CFAP91: variants seen among roughly 807,000 people sequenced by gnomAD.
CFAP91 encodes the protein cilia- and flagella-associated protein 91.
A neutral mutation model predicts 95.9 loss-of-function variants in CFAP91; 85 were observed. The observed-to-expected ratio is 0.89, with a 90% confidence interval of 0.74 to 1.06. The LOEUF is 1.06. Among genes scored for constraint, CFAP91 ranks in the 50% least tolerant of loss-of-function variants. The probability of loss-of-function intolerance (pLI) is 0.00; values close to 1 mark genes in which losing one functional copy is unlikely to be tolerated. For missense variants in CFAP91, 962 were observed against 943.4 expected, an observed-to-expected ratio of 1.02 and a Z score of -0.26; for synonymous variants, 335 against 327.5, an observed-to-expected ratio of 1.02 and a Z score of -0.25.
chr3:119,713,072 TTTTATTTTATTTTTATTTA>T (rs2053503485), intron 5 of CFAP91: 2 of 151,602 alleles, frequency 1.3e-5, no homozygotes, highest in Admixed American at 1.3e-4. Flanking sequence ...TTTAAAAAAT[TTTTATTTTATTTTTATTTA>T]TTTATTTATT....
chr3:119,751,154 G>A (rs1450819531), intron 17 of CFAP91, 56 bp downstream of exon 17: 1 of 1,533,618 alleles, frequency 6.5e-7, no homozygotes, highest in Non-Finnish European at 8.8e-7. Flanking sequence ...AAGCGGCATT[G>A]TTCAGCTTTG....
chr3:119,753,998 T>A (rs2054375775), intron 17 of CFAP91, among the ~76,000 whole-genome samples: 1 of 152,252 alleles, frequency 6.6e-6, no homozygotes, highest in Non-Finnish European at 1.5e-5. Context: ...CCCAGCTGAC[T>A]AAGCCAGATT....
intron 7 of CFAP91, among the ~76,000 whole-genome samples, chr3:119,726,978 G>C (rs1437339514): frequency 1.3e-5 from 2 of 152,146 alleles, no homozygotes. Context: ...TGAGGTACTT[G>C]TGGTTGGGTT....
intron 5 of CFAP91, among the ~76,000 whole-genome samples, chr3:119,714,365 C>CAAAA (rs1265042198): frequency 1.2e-4 from 15 of 128,518 alleles, no homozygotes; most frequent in African/African-American, 2.6e-4. Flanking sequence ...GACTCCGTCT[C>CAAAA]AAAAAAAAAA....
chr3:119,754,492 T>C lies in CFAP91; in HGVS notation c.*1+3394T>C, dbSNP rs563658838. ...TCCAATGTGAATGCTAAGGGTGGGT[T>C]AACAGACATTTGATAAGTGTATGGG... On this transcript the variant is annotated intron_variant, in intron 17 of 17. Coordinates refer to ENST00000273390, the MANE Select transcript of CFAP91 (RefSeq NM_033364.4). 1.8e-4 allele frequency among the ~76,000 whole-genome samples: 27 copies of C among 152,350 alleles called. No individual in the cohort carries two copies. In the South Asian group the frequency reaches 5.6e-3, roughly 32 times the overall value.
chr3:119,706,437 G>A (rs941554618), intron 1 of CFAP91: 4 of 178,920 alleles, frequency 2.2e-5, no homozygotes, highest in Admixed American at 5.9e-5. Context: ...GGCATAGTGC[G>A]TATATACAAG....
chr3:119,707,730 G>GATATATATATATATATAT (rs1425003167), intron 3 of CFAP91, among the ~76,000 whole-genome samples, 169 bp downstream of exon 3: 3 of 116,750 alleles, frequency 2.6e-5, no homozygotes, highest in Non-Finnish European at 5.4e-5. Context: ...TTGTATATAT[G>GATATATATATATATATAT]AGATATATAT....
chr3:119,713,972 A>G (rs1229417309), intron 5 of CFAP91, among the ~76,000 whole-genome samples: 1 of 152,002 alleles, frequency 6.6e-6, no homozygotes. Flanking sequence ...TAAGTTTCTA[A>G]TTTTTCACTC....
intron 6 of CFAP91, among the ~76,000 whole-genome samples, chr3:119,723,183 G>A (rs1285289338): frequency 6.6e-6 from 1 of 152,214 alleles, no homozygotes; most frequent in African/African-American, 2.4e-5. Flanking sequence ...ACTGCAAAAA[G>A]CAGCTGAGAT....
chr3:119,703,368 G>A, intron 1 of CFAP91, 146 bp downstream of exon 1: 1 of 1,306,096 alleles, frequency 7.7e-7, no homozygotes, highest in South Asian at 1.4e-5. Context: ...TGGTCGGGTG[G>A]GGGCAGCTCC....
intron 10 of CFAP91, 70 bp downstream of exon 10, chr3:119,733,576 A>C (rs1458863972): frequency 6.6e-7 from 1 of 1,515,352 alleles, no homozygotes; most frequent in African/African-American, 1.4e-5. Flanking sequence ...CACTCCAAAA[A>C]TTGCAGCAAT....
intron 13 of CFAP91, among the ~76,000 whole-genome samples, chr3:119,743,159 G>A (rs527564823): frequency 6.8e-6 from 1 of 147,098 alleles, no homozygotes; most frequent in Non-Finnish European, 1.5e-5. Context: ...TTTCTGAGAT[G>A]GAGTCTCACT....
Position 119,716,468 on chromosome 3 carries a change from A to G in CFAP91, c.682+725A>G, listed in dbSNP as rs1278401812. Among the ~76,000 whole-genome samples the G allele has an allele frequency of 2.0e-5, 3 of 152,212 alleles. No homozygotes were observed. In the East Asian group the frequency reaches 5.8e-4, roughly 29 times the overall value. Reference sequence around the variant, plus strand: ...TTTAAATGAGATTACTTTCCCCCGCATTGTAACAGATAGCTGTGATCAAGT... The same window carrying G: ...TTTAAATGAGATTACTTTCCCCCGCGTTGTAACAGATAGCTGTGATCAAGT... On this transcript the variant is annotated intron_variant, in intron 6 of 17. Transcript: ENST00000273390.
intron 16 of CFAP91, chr3:119,750,402 A>G (rs72965013): frequency 0.012 from 1,937 of 158,668 alleles, 40 homozygotes; most frequent in African/African-American, 0.044. Context: ...CTGATAGTGA[A>G]TATTCTTAGA....
Position 119,726,340 on chromosome 3 carries a change from G to C in CFAP91, c.852G>C (p.Glu284Asp). The C allele has an allele frequency of 8.1e-6, 13 of 1,610,666 alleles. No individual in the cohort carries two copies. The highest frequency in any genetic ancestry group is 7.6e-6 in the Non-Finnish European group (9 of 1,178,656). Residue 284 changes from glutamate to aspartate, a missense_variant, in exon 7 of 18, where the codon GAG (glutamate) becomes GAC (aspartate). Coordinates refer to ENST00000273390, the MANE Select transcript of CFAP91 (RefSeq NM_033364.4). ...ERKEWAFREQEIEKLQEIRLE... is the reference protein window; with the variant it reads ...ERKEWAFREQDIEKLQEIRLE... ...AGGAGTGGGCCTTCAGAGAGCAGGA[G>C]ATTGAAAAGTAGGTTCTCTATCACC... is the stretch of plus-strand genomic sequence containing the variant.
rs1170325445 is a variant in CFAP91 at position 119,726,278 on chromosome 3, G to C, written c.790G>C (p.Glu264Gln). 6.2e-7 allele frequency: 1 copy of C among 1,613,970 alleles called. No homozygotes were observed. The highest frequency in any genetic ancestry group is 1.1e-5 in the South Asian group (1 of 91,036). The change falls in exon 7 of 18, where the codon GAG becomes CAG. Residue 264 changes from glutamate (E) to glutamine (Q), a missense_variant. Coordinates refer to ENST00000273390, the MANE Select transcript of CFAP91 (RefSeq NM_033364.4). ...LPALSDTSQF[E>Q]KRRKMMNEME... ...CGCTCTGAGTGACACCTCCCAGTTT[G>C]AGAAGAGGAGGAAAATGATGAATGA...
chr3:119,724,503 A>G (rs1018361735), intron 6 of CFAP91, among the ~76,000 whole-genome samples: 1 of 152,158 alleles, frequency 6.6e-6, no homozygotes, highest in Admixed American at 6.5e-5. Context: ...AATGCCACGC[A>G]AGACCCACCA....
At chr3:119,737,228 T>A in intron 10 of CFAP91, 138 bp from the exon 11 acceptor site, 1 of 584,206 alleles carries the variant, frequency 1.7e-6, no homozygotes, top group Non-Finnish European at 3.1e-6. Context: ...CAATATACAT[T>A]ATTCAGGTGA....
At chr3:119,730,074 A>T in intron 7 of CFAP91, 146 bp from the exon 8 acceptor site, 2 of 733,980 alleles carry the variant, frequency 2.7e-6, no homozygotes, top group Admixed American at 5.6e-5. Context: ...CCCTCAATTC[A>T]TCTGTCATAC....
Sources: gnomAD v4.1 joint callset for allele counts (sites outside exome capture counted in the v4.1 genomes callset) on GRCh38, gnomAD v4.1.1 for gene constraint, MANE v1.5 for transcripts, NCBI Gene and HGNC (gene_info 2026-07-23, HGNC 2026-07-21) for gene names.